THAP4: variants seen among roughly 807,000 people sequenced by gnomAD.
THAP4 encodes THAP domain containing 4, also known as peroxynitrite isomerase THAP4.
Under a neutral mutation model 48.1 loss-of-function variants are expected in THAP4, and 18 were observed. That is an observed-to-expected ratio of 0.37 (90% CI 0.26 to 0.56). THAP4 has a LOEUF of 0.56. THAP4 is among the 20% of genes least tolerant of loss of function. THAP4 has a pLI of 0.78. For missense variants in THAP4, 656 were observed against 774.9 expected (o/e 0.85, Z 1.82); for synonymous variants, 345 against 324.9 (o/e 1.06, Z -0.66).
At chr2:241,634,529 G>C (rs1279630253) in intron 1 of THAP4, among the ~76,000 whole-genome samples, 1 of 152,248 alleles carries the variant, frequency 6.6e-6, no homozygotes, top group Non-Finnish European at 1.5e-5. Context: ...TGAGAGGTCA[G>C]GACTGCATGG....
At chr2:241,622,761 A>G (rs1029105793) in intron 2 of THAP4, among the ~76,000 whole-genome samples, 1 of 151,796 alleles carries the variant, frequency 6.6e-6, no homozygotes, top group Non-Finnish European at 1.5e-5. Context: ...CACCATGCCT[A>G]GCTAATTTTC....
intron 2 of THAP4, among the ~76,000 whole-genome samples, chr2:241,609,076 G>C (rs375002518): frequency 6.6e-6 from 1 of 152,214 alleles, no homozygotes; most frequent in African/African-American, 2.4e-5. Context: ...TGGGAGGGAC[G>C]AGGTCTCTGA....
rs1358469310 is a variant in THAP4, at chr2:241,612,847, G to A, written c.1241-6374C>T. Among the ~76,000 whole-genome samples the A allele has an allele frequency of 6.6e-6, 1 of 152,200 alleles. No homozygotes were observed. The highest frequency in any genetic ancestry group is 2.4e-5 in the African/African-American group (1 of 41,448). ...CAAGGATGCTACGGCTGGCCACAGC[G>A]ATCCTTCCAGATTGCAGGCGCGTGA... On this transcript the variant is annotated intron_variant, in intron 2 of 5. Coordinates refer to ENST00000407315, the MANE Select transcript of THAP4 (RefSeq NM_015963.6). This position sits in a 1 kb window ranked among gnomAD's most constrained non-coding sequence, Gnocchi z 4.1.
intron 2 of THAP4, chr2:241,617,443 C>T (rs1366821289): frequency 3.2e-6 from 5 of 1,551,422 alleles, no homozygotes; most frequent in African/African-American, 1.4e-5. Context: ...TCCGGACACT[C>T]GTCAAGGTTC....
chr2:241,606,554 A>G (rs2067186746), intron 2 of THAP4, 81 bp from the exon 3 acceptor site: 2 of 1,342,130 alleles, frequency 1.5e-6, no homozygotes, highest in South Asian at 1.7e-5. Flanking sequence ...CACGTTCCAT[A>G]TCGACGCTTG....
intron 2 of THAP4, among the ~76,000 whole-genome samples, chr2:241,622,053 T>C (rs2067434524): frequency 6.6e-6 from 1 of 152,162 alleles, no homozygotes; most frequent in Admixed American, 6.5e-5. Flanking sequence ...TTTTTCTAAA[T>C]CTCTGAAAAA....
chr2:241,617,717 C>T (rs539873120), intron 2 of THAP4, among the ~76,000 whole-genome samples: 1 of 152,298 alleles, frequency 6.6e-6, no homozygotes, highest in South Asian at 2.1e-4. Flanking sequence ...GGCTTCTACC[C>T]TCAGCCTCCT....
chr2:241,617,600 C>CAATA (rs2067363903), intron 2 of THAP4: 1 of 795,984 alleles, frequency 1.3e-6, no homozygotes, highest in Non-Finnish European at 1.9e-6. Flanking sequence ...AAGTAAAAGA[C>CAATA]AATGACAGCC....
At chr2:241,626,883 C>T (rs1559233814) in intron 2 of THAP4, among the ~76,000 whole-genome samples, 1 of 152,168 alleles carries the variant, frequency 6.6e-6, no homozygotes, top group African/African-American at 2.4e-5. Context: ...TTTTGAACAA[C>T]TTTATATTGT....
At chr2:241,623,563 A>G (rs567519985) in intron 2 of THAP4, among the ~76,000 whole-genome samples, 2 of 151,616 alleles carry the variant, frequency 1.3e-5, no homozygotes, top group Non-Finnish European at 2.9e-5. Context: ...TGGGTGTCAG[A>G]GCAAGACCCT....
intron 1 of THAP4, among the ~76,000 whole-genome samples, chr2:241,636,727 C>T (rs2067667003): frequency 6.6e-6 from 1 of 151,632 alleles, no homozygotes; most frequent in Non-Finnish European, 1.5e-5. Context: ...AGGGCGGACC[C>T]AGGCGGCCGG....
chr2:241,609,043 C>G (rs2067227186), intron 2 of THAP4, among the ~76,000 whole-genome samples: 1 of 152,222 alleles, frequency 6.6e-6, no homozygotes, highest in Non-Finnish European at 1.5e-5. Flanking sequence ...TCTGAGCAGA[C>G]AGAAGCCCTC....
intron 1 of THAP4, among the ~76,000 whole-genome samples, chr2:241,634,742 AG>A (rs2067614903): frequency 6.6e-6 from 1 of 152,336 alleles, no homozygotes; most frequent in African/African-American, 2.4e-5. Flanking sequence ...GGGTTCTTTG[AG>A]CCCAGAAATT....
intron 3 of THAP4, among the ~76,000 whole-genome samples, chr2:241,605,871 C>A (rs553648724): frequency 6.6e-6 from 1 of 152,030 alleles, no homozygotes; most frequent in Admixed American, 6.6e-5. Context: ...GCATGTGTCA[C>A]CACACCTGGC....
intron 5 of THAP4, among the ~76,000 whole-genome samples, chr2:241,598,182 G>A (rs1327633621): frequency 6.6e-6 from 1 of 152,184 alleles, no homozygotes; most frequent in Non-Finnish European, 1.5e-5. Flanking sequence ...TGAATTTGCA[G>A]ATGGAGCCAA....
Position 241,633,063 on chromosome 2 carries a change from T to A in THAP4, c.1094A>T (p.Gln365Leu). 6.2e-7 allele frequency: 1 copy of A among 1,613,946 alleles called. No homozygotes were observed. Among genetic ancestry groups the A allele is most frequent in the South Asian group, 1.1e-5 (1 of 91,084 alleles). ...NKSQVCCLRE[Q>L]VEKKNGELKS... is the part of the protein sequence containing the mutation. ...CAGCTCGCCGTTCTTCTTCTCCACC[T>A]GCTCCCGCAGGCAGCACACCTGGCT... The change falls in exon 2 of 6, where the codon CAG (glutamine) becomes CTG (leucine). Residue 365 changes from glutamine to leucine, a missense_variant. Transcript: ENST00000407315. The surrounding 1 kb of genome is among the most constrained non-coding windows in gnomAD (Gnocchi z 7.5).
Position 241,637,136 on chromosome 2 carries a change from G to C in THAP4, c.-119C>G. On this transcript the variant is annotated 5_prime_UTR_variant, in exon 1 of 6. Transcript: ENST00000407315. ...GGCTCGGGACGTGGGCCGGCCCGCG[G>C]CGTCCGCGCCGTACGGCAAGATGGA... 1.0e-6 allele frequency: 1 copy of C among 994,160 alleles called. No homozygotes were observed. Among genetic ancestry groups the C allele is most frequent in the Non-Finnish European group, 1.2e-6 (1 of 837,368 alleles). The allele number at this position is 994,160 out of a possible 1,614,324, so 61.6% of individuals were successfully genotyped here. A position where few individuals can be genotyped will look rare whatever the true frequency, so the allele number is the denominator to read the frequency against.
chr2:241,611,754 A>C (rs1486658989), intron 2 of THAP4, among the ~76,000 whole-genome samples: 1 of 151,998 alleles, frequency 6.6e-6, no homozygotes, highest in African/African-American at 2.4e-5. Context: ...TTAAGAAAGA[A>C]AGGCATGCTG....
chr2:241,620,684 G>A (rs1405384079), intron 2 of THAP4, among the ~76,000 whole-genome samples: 1 of 151,878 alleles, frequency 6.6e-6, no homozygotes, highest in Non-Finnish European at 1.5e-5. Context: ...GACTGCGGCG[G>A]TGAGTGAATG....
Sources: allele counts gnomAD v4.1 joint callset (sites outside exome capture counted in the v4.1 genomes callset), GRCh38; gene constraint gnomAD v4.1.1; non-coding constraint Gnocchi (gnomAD v3.1); transcripts MANE v1.5; gene names NCBI Gene and HGNC (gene_info 2026-07-23, HGNC 2026-07-21).